Variants in TTN observed in about 807,000 individuals in gnomAD.
TTN encodes the protein titin, also known as connectin.
In TTN, 1,525 loss-of-function variants were observed where a neutral mutation model predicts 3,223.0. That is an observed-to-expected ratio of 0.47 (90% CI 0.45 to 0.49). The LOEUF is 0.49. Ranked by LOEUF, TTN falls within the 20% of genes least tolerant of loss-of-function variation. The probability of loss-of-function intolerance (pLI) is 0.00; values close to 1 mark genes in which losing one functional copy is unlikely to be tolerated. For missense variants in TTN, 40,786 were observed against 43,424.0 expected (o/e 0.94, Z 5.40); for synonymous variants, 14,094 against 15,161.0 (o/e 0.93, Z 5.17).
chr2:178,759,412 TA>T (rs1267100991), intron 43 of TTN, among the ~76,000 whole-genome samples: 1 of 152,256 alleles, frequency 6.6e-6, no homozygotes, highest in African/African-American at 2.4e-5. Flanking sequence ...TTGTAATGTT[TA>T]AAATGATAGA....
In TTN at chr2:178,734,597, G is replaced by A; in HGVS notation, c.15227C>T (p.Ser5076Phe). ...STEIVIKEPP[S>F]FIKTLEPADI... ...TGCAGGCTCAAGAGTTTTGATGAAA[G>A]AAGGAGGTTCTACAAAAGCATGAAA... The change falls in exon 52 of 363, where the codon TCT becomes TTT. Residue 5076 changes from serine (S) to phenylalanine (F), a missense_variant. Ser to Phe is a radical substitution (Grantham distance 155). Coordinates refer to ENST00000589042, the MANE Select transcript of TTN (RefSeq NM_001267550.2). 1 of 1,566,976 alleles carries A rather than the reference G, an allele frequency of 6.4e-7. No homozygotes were observed. The highest frequency in any genetic ancestry group is 8.6e-7 in the Non-Finnish European group (1 of 1,157,452).
rs1198379778 is a variant in TTN at position 178,560,217 on chromosome 2, T to C, written c.85915A>G (p.Thr28639Ala). The change falls in exon 326 of 363, where the codon ACC becomes GCC. Residue 28639 changes from threonine (T) to alanine (A), a missense_variant. Physicochemically the swap from Thr to Ala is moderately conservative, Grantham distance 58 (BLOSUM62 0). Transcript: ENST00000589042. ...NAAGLSLPSE[T>A]SPLIRAEDPV... is the part of the protein sequence containing the mutation. Reference sequence around the variant, plus strand: ...TCTTCTGCCCTAATTAAGGGAGAGGTTTCACTTGGAAGACTTAGGCCAGCA... The same window carrying C: ...TCTTCTGCCCTAATTAAGGGAGAGGCTTCACTTGGAAGACTTAGGCCAGCA... 3.1e-6 allele frequency: 5 copies of C among 1,613,024 alleles called. No homozygotes were observed. The highest frequency in any genetic ancestry group is 4.2e-6 in the Non-Finnish European group (5 of 1,179,640).
intron 361 of TTN, chr2:178,527,987 ACTAG>A (rs1330065394): frequency 1.9e-6 from 1 of 538,978 alleles, no homozygotes; most frequent in Non-Finnish European, 3.2e-6. Context: ...GCTAGGAATC[ACTAG>A]GAGAAAAATG....
intron 1 of TTN, among the ~76,000 whole-genome samples, chr2:178,806,035 T>C (rs1016550673): frequency 2.0e-5 from 3 of 152,202 alleles, no homozygotes; most frequent in Non-Finnish European, 4.4e-5. Context: ...CTATTTTTCA[T>C]TAAATTCTTT....
rs762625771 is a variant in TTN, at chr2:178,732,910, A to T, written c.16266T>A (p.Asn5422Lys). 6.2e-7 allele frequency: 1 copy of T among 1,613,292 alleles called. No individual in the cohort carries two copies. Among genetic ancestry groups the T allele is most frequent in the Non-Finnish European group, 8.5e-7 (1 of 1,179,666 alleles). ...CTCGACAAGTGAAATTCCCTGCATCATTCATGTCTACTCTGATGATCTCCA... is the reference window on the plus strand; with the variant it reads ...CTCGACAAGTGAAATTCCCTGCATCTTTCATGTCTACTCTGATGATCTCCA... ...ASLEIIRVDM[N>K]DAGNFTCRAT... The change falls in exon 55 of 363, where the codon AAT becomes AAA. Residue 5422 changes from asparagine to lysine, a missense_variant. Coordinates refer to ENST00000589042, the MANE Select transcript of TTN (RefSeq NM_001267550.2).
chr2:178,672,570 T>A (rs1671127864), intron 153 of TTN, 65 bp downstream of exon 153: 1 of 1,602,546 alleles, frequency 6.2e-7, no homozygotes, highest in Non-Finnish European at 8.5e-7. Context: ...CACAGAGACA[T>A]GAAACATAAA....
At position 178,711,408 on chromosome 2, in the gene TTN, TTATATA is replaced by T. The variant is rs1182755749; in HGVS notation, c.27887-65_27887-60del. On this transcript the variant is annotated intron_variant, in intron 96 of 362. Transcript: ENST00000589042. ...AATTTACTAAATGCTCTTCTCACAA[TTATATA>T]TATACAAACGCACGTATATATGCAA... 2.0e-6 allele frequency: 3 copies of T among 1,484,630 alleles called. No homozygotes were observed. The African/African-American group carries it at 4.2e-5, about 21-fold the overall frequency. The allele number at this position is 1,484,630 out of a possible 1,614,324, so 92.0% of individuals were successfully genotyped here. A position where few individuals can be genotyped will look rare whatever the true frequency, so the allele number is the denominator to read the frequency against.
In TTN at chr2:178,569,819, T is replaced by G. The variant is rs1707482810; in HGVS notation, c.76313A>C (p.Gln25438Pro). 1 of 1,613,474 alleles carries G rather than the reference T, an allele frequency of 6.2e-7. No homozygotes were observed. The highest frequency in any genetic ancestry group is 1.7e-5 in the Admixed American group (1 of 59,968). ...ATCACATTTTTCAACAATGTATCCT[T>G]GAATTTCACAGCCACCATCATATAT... is the stretch of plus-strand genomic sequence containing the variant. ...KPIYDGGCEI[Q>P]GYIVEKCDVS... is the part of the protein sequence containing the mutation. Residue 25438 changes from glutamine (Q) to proline (P), a missense_variant, in exon 326 of 363, where the codon CAA becomes CCA. Coordinates refer to ENST00000589042, the MANE Select transcript of TTN (RefSeq NM_001267550.2).
Position 178,665,823 on chromosome 2 carries a change from G to C in TTN, c.35876-32C>G. On this transcript the variant is annotated intron_variant, in intron 163 of 362. Coordinates refer to ENST00000589042, the MANE Select transcript of TTN (RefSeq NM_001267550.2). ...AGATATGAATGCATTGTACTTTGGA[G>C]TTATGAAGAGGAGTAAAGAGTTCCC... 4.4e-6 allele frequency: 5 copies of C among 1,140,508 alleles called. No homozygotes were observed. In the South Asian group the frequency reaches 2.1e-4, roughly 47 times the overall value. 70.6% of individuals were successfully genotyped at this position (1,140,508 alleles called of 1,614,324 possible).
chr2:178,604,374 T>C (rs2154194887), intron 281 of TTN, 69 bp from the exon 282 acceptor site: 1 of 1,263,324 alleles, frequency 7.9e-7, no homozygotes, highest in Admixed American at 3.3e-5. Context: ...CATTTAAAAA[T>C]TCAACTTATT....
rs779340510 is a variant in TTN at position 178,707,732 on chromosome 2, T to C, written c.28835A>G (p.His9612Arg). The C allele has an allele frequency of 1.2e-6, 2 of 1,613,986 alleles. No homozygotes were observed. Among genetic ancestry groups the C allele is most frequent in the Admixed American group, 3.3e-5 (2 of 60,012 alleles). ...CCTAATTGGCTCAGATCCCTGGACA[T>C]GGCAGCTGAGCTGCACGTATTCTCC... ...SEGEYVQLSCHVQGSEPIRIQ... is the reference protein window; with the variant it reads ...SEGEYVQLSCRVQGSEPIRIQ... Residue 9612 changes from histidine (H) to arginine (R), a missense_variant, in exon 100 of 363, where the codon CAT becomes CGT. Coordinates refer to ENST00000589042, the MANE Select transcript of TTN (RefSeq NM_001267550.2).
chr2:178,547,610 G>C lies in TTN; in HGVS notation c.94016C>G (p.Thr31339Ser). The stretch of plus-strand genomic sequence containing the variant: ...TTCAACTATGTAATTAGTAATTTCA[G>C]TGCCTCCTCCATCTTTAGGTTCTCC... Reference protein sequence around the residue: ...SWGEPKDGGGTEITNYIVEKR... With the variant: ...SWGEPKDGGGSEITNYIVEKR... The change falls in exon 339 of 363, where the codon ACT (threonine) becomes AGT (serine). Residue 31339 changes from threonine (T) to serine (S), a missense_variant. Thr to Ser is a moderately conservative substitution (Grantham distance 58). Transcript: ENST00000589042. The C allele has an allele frequency of 6.2e-7, 1 of 1,613,866 alleles. No homozygotes were observed. Among genetic ancestry groups the C allele is most frequent in the Non-Finnish European group, 8.5e-7 (1 of 1,179,828 alleles).
chr2:178,680,363 G>A lies in TTN; in HGVS notation c.33341-32C>T, dbSNP rs371150171. 1.3e-4 allele frequency: 204 copies of A among 1,585,072 alleles called. 1 individual carries two copies. The East Asian group carries it at 3.5e-3, about 27-fold the overall frequency. On this transcript the variant is annotated intron_variant, in intron 138 of 362. Coordinates refer to ENST00000589042, the MANE Select transcript of TTN (RefSeq NM_001267550.2). ...ATATGAAGTATAAGGAAATTTTATT[G>A]TCAGTAAAAGGCCACCCAGCCAATG...
At chr2:178,723,751 A>G in intron 73 of TTN, 55 bp from the exon 74 acceptor site, 1 of 1,528,256 alleles carries the variant, frequency 6.5e-7, no homozygotes, top group Non-Finnish European at 8.8e-7. Context: ...ATGGAGTTGC[A>G]ATTTTGAATA....
At position 178,570,198 on chromosome 2, in the gene TTN, C is replaced by T. The variant is rs770655678; in HGVS notation, c.75934G>A (p.Glu25312Lys). 1.9e-6 allele frequency: 3 copies of T among 1,613,462 alleles called. No homozygotes were observed. Among genetic ancestry groups the T allele is most frequent in the Non-Finnish European group, 2.5e-6 (3 of 1,179,620 alleles). Residue 25312 changes from glutamate (E) to lysine (K), a missense_variant, in exon 326 of 363, where the codon GAA becomes AAA. Physicochemically the swap from Glu to Lys is moderately conservative, Grantham distance 56. Transcript: ENST00000589042. The stretch of plus-strand genomic sequence containing the variant: ...GAGTCCTTGGTCACTGTTGTGACTT[C>T]TGGAGCTTTTGGTGCATCTGGTACT... ...FVVPDAPKAP[E>K]VTTVTKDSMI...
Position 178,542,905 on chromosome 2 carries a change from G to A in TTN, c.96949C>T (p.His32317Tyr). Residue 32317 changes from histidine to tyrosine, a missense_variant, in exon 348 of 363, where the codon CAT becomes TAT. Physicochemically the swap from His to Tyr is moderately conservative, Grantham distance 83. Transcript: ENST00000589042. ...DLSTMPQKTI[H>Y]VPAGRPVELV... ...TCTACTGGTCTGCCAGCTGGGACAT[G>A]GATGGTCTTCTGAGGCATTGTAGAA... The A allele has an allele frequency of 6.2e-7, 1 of 1,613,076 alleles. No homozygotes were observed. Among genetic ancestry groups the A allele is most frequent in the South Asian group, 1.1e-5 (1 of 91,050 alleles).
chr2:178,720,125 A>C lies in TTN; in HGVS notation c.23517T>G (p.Ser7839Arg). Residue 7839 changes from serine (S) to arginine (R), a missense_variant, in exon 81 of 363, where the codon AGT becomes AGG. Physicochemically the swap from Ser to Arg is moderately radical, Grantham distance 110. Transcript: ENST00000589042. Reference protein sequence around the residue: ...LKDRGEVIRESENTRISFIDN... With the variant: ...LKDRGEVIRERENTRISFIDN... ...CAATGAATGAAATCCTGGTATTTTCACTCTCTCTGATGACTTCACCTCTAT... is the reference window on the plus strand; with the variant it reads ...CAATGAATGAAATCCTGGTATTTTCCCTCTCTCTGATGACTTCACCTCTAT... 1 of 1,613,702 alleles carries C rather than the reference A, an allele frequency of 6.2e-7. No individual in the cohort carries two copies. Among genetic ancestry groups the C allele is most frequent in the Non-Finnish European group, 8.5e-7 (1 of 1,179,702 alleles).
In TTN at chr2:178,773,090, G is replaced by C. The variant is rs778369090; in HGVS notation, c.7855+19C>G. 1.9e-6 allele frequency: 3 copies of C among 1,613,546 alleles called. No individual in the cohort carries two copies. Among genetic ancestry groups the C allele is most frequent in the Non-Finnish European group, 2.5e-6 (3 of 1,179,736 alleles). On this transcript the variant is annotated intron_variant, in intron 33 of 362. Coordinates refer to ENST00000589042, the MANE Select transcript of TTN (RefSeq NM_001267550.2). The stretch of plus-strand genomic sequence containing the variant: ...AACAATCACTCCTCGTAAGAATTTA[G>C]GTTAATAAATATACCAACCTGCCAC...
chr2:178,604,649 G>A (rs1245134065), intron 281 of TTN, 59 bp downstream of exon 281: 16 of 1,462,596 alleles, frequency 1.1e-5, no homozygotes, highest in Admixed American at 2.3e-5. Context: ...TATTAAAATG[G>A]CATCAAACCA....
Sources: allele counts gnomAD v4.1 joint callset (sites outside exome capture counted in the v4.1 genomes callset), GRCh38; gene constraint gnomAD v4.1.1; transcripts MANE v1.5; gene names NCBI Gene and HGNC (gene_info 2026-07-23, HGNC 2026-07-21).